The following ARID2 variants were observed in gnomAD, a reference collection of about 807,000 sequenced individuals.
ARID2 encodes AT-rich interaction domain 2, also known as AT-rich interactive domain-containing protein 2.
ARID2 carries 32 observed loss-of-function variants against 184.6 expected under a neutral mutation model. The observed-to-expected ratio is 0.17, with a 90% confidence interval of 0.13 to 0.23. The LOEUF (loss-of-function observed/expected upper bound fraction) is 0.23. Ranked by LOEUF, ARID2 falls within the 10% of genes least tolerant of loss-of-function variation. The pLI is 1.00. For synonymous variants in ARID2, 836 were observed against 772.6 expected, an observed-to-expected ratio of 1.08 and a Z score of -1.36; for missense variants, 1,696 against 2,197.6, an observed-to-expected ratio of 0.77 and a Z score of 4.56.
intron 3 of ARID2, among the ~76,000 whole-genome samples, chr12:45,795,496 A>T (rs546493672): frequency 1.1e-4 from 17 of 151,484 alleles, no homozygotes; most frequent in South Asian, 4.2e-4. Context: ...CAGTGGTGCG[A>T]TCTCGGCTCA....
At chr12:45,740,419 A>C (rs960643684) in intron 3 of ARID2, among the ~76,000 whole-genome samples, 1 of 151,990 alleles carries the variant, frequency 6.6e-6, no homozygotes, top group African/African-American at 2.4e-5. Context: ...TGGTGTGCAC[A>C]CTCATACACA....
intron 20 of ARID2, among the ~76,000 whole-genome samples, chr12:45,896,583 G>T (rs1252136756): frequency 1.3e-5 from 2 of 152,148 alleles, no homozygotes; most frequent in African/African-American, 4.8e-5. Context: ...CACCATAATT[G>T]TGAGGCCTCC....
intron 5 of ARID2, 139 bp downstream of exon 5, chr12:45,818,027 T>G (rs2138094324): frequency 1.6e-6 from 1 of 617,122 alleles, no homozygotes; most frequent in South Asian, 3.0e-5. Flanking sequence ...TTATTTAAGA[T>G]AATGAATGTT....
At chr12:45,731,103 C>G in intron 2 of ARID2, 114 bp from the exon 3 acceptor site, 1 of 744,934 alleles carries the variant, frequency 1.3e-6, no homozygotes, top group Non-Finnish European at 2.3e-6. Context: ...TCCGAAACAC[C>G]CACTGATGCC....
rs1941618859 is a variant in ARID2, at chr12:45,758,790, C to T, written c.284+27476C>T. Reference sequence around the variant, plus strand: ...GGCAGAGTAAAAGAGAGAAGAAGCACTTTTTCTAAGGGTACACCTTGAAAG... The same window carrying T: ...GGCAGAGTAAAAGAGAGAAGAAGCATTTTTTCTAAGGGTACACCTTGAAAG... On this transcript the variant is annotated intron_variant, in intron 3 of 20. Coordinates refer to ENST00000334344, the MANE Select transcript of ARID2 (RefSeq NM_152641.4). Among the ~76,000 whole-genome samples, 3 of 152,244 alleles carry T rather than the reference C, an allele frequency of 2.0e-5. No homozygotes were observed. The South Asian group carries it at 6.2e-4, about 32-fold the overall frequency.
chr12:45,782,558 G>A (rs1942114461), intron 3 of ARID2, among the ~76,000 whole-genome samples: 1 of 152,144 alleles, frequency 6.6e-6, no homozygotes, highest in African/African-American at 2.4e-5. Flanking sequence ...CTTGAACCCG[G>A]GAGGTGGAGG....
chr12:45,806,196 C>G (rs1485321724), intron 3 of ARID2, among the ~76,000 whole-genome samples: 1 of 151,534 alleles, frequency 6.6e-6, no homozygotes, highest in Admixed American at 6.6e-5. Flanking sequence ...TTCAAATGTT[C>G]TGTGTAATTT....
intron 20 of ARID2, among the ~76,000 whole-genome samples, chr12:45,894,655 A>G (rs898900514): frequency 3.2e-4 from 48 of 152,238 alleles, no homozygotes; most frequent in African/African-American, 1.1e-3. Context: ...AGTATTTGCA[A>G]TGACAAATGT....
chr12:45,829,991 G>T (rs7976870), intron 6 of ARID2, among the ~76,000 whole-genome samples: 90,780 of 148,502 alleles, frequency 0.61, 29,426 homozygotes, highest in African/African-American at 0.85. Context: ...TTTTAGATTT[G>T]CCCTTTTGAT....
intron 12 of ARID2, among the ~76,000 whole-genome samples, chr12:45,847,268 G>T (rs1034287730): frequency 2.6e-5 from 4 of 151,942 alleles, no homozygotes; most frequent in African/African-American, 9.7e-5. Context: ...TACAAAATTT[G>T]TTCTTCTAAA....
At chr12:45,784,112 C>T (rs1174491819) in intron 3 of ARID2, among the ~76,000 whole-genome samples, 1 of 152,162 alleles carries the variant, frequency 6.6e-6, no homozygotes, top group East Asian at 1.9e-4. Flanking sequence ...ACCTCAGCCT[C>T]CTGAGTAGCT....
At chr12:45,799,324 GTTTAT>G (rs913858286) in intron 3 of ARID2, among the ~76,000 whole-genome samples, 3 of 152,104 alleles carry the variant, frequency 2.0e-5, no homozygotes, top group African/African-American at 7.2e-5. Context: ...TTTAGATTCA[GTTTAT>G]TTTGATACTT....
chr12:45,765,948 TCAA>T (rs1941762947), intron 3 of ARID2, among the ~76,000 whole-genome samples: 1 of 152,196 alleles, frequency 6.6e-6, no homozygotes, highest in African/African-American at 2.4e-5. Flanking sequence ...ACTCTTTTAG[TCAA>T]CAAAATTATT....
intron 3 of ARID2, among the ~76,000 whole-genome samples, chr12:45,744,468 C>G (rs1315436428): frequency 6.6e-6 from 1 of 151,752 alleles, no homozygotes; most frequent in Non-Finnish European, 1.5e-5. Context: ...CATTTTTGCA[C>G]CTTATATTTG....
At chr12:45,818,558 T>C (rs530667742) in intron 5 of ARID2, among the ~76,000 whole-genome samples, 1 of 152,244 alleles carries the variant, frequency 6.6e-6, no homozygotes, top group Non-Finnish European at 1.5e-5. Context: ...TTTCCGACTC[T>C]CCCCAACTCC....
intron 6 of ARID2, among the ~76,000 whole-genome samples, chr12:45,824,533 A>C (rs1255173383): frequency 6.6e-6 from 1 of 152,104 alleles, no homozygotes; most frequent in Non-Finnish European, 1.5e-5. Context: ...ATTGCTCAAC[A>C]TCACTAATCA....
rs201871368 is a variant in ARID2, at chr12:45,852,330, C to G, written c.4207C>G (p.Gln1403Glu). The change falls in exon 15 of 21, where the codon CAG becomes GAG. Residue 1403 changes from glutamine to glutamate, a missense_variant. Transcript: ENST00000334344. The part of the protein sequence containing the change: ...MEPQGTLDIT[Q>E]QDTAKGDQLE... ...ACCACAAGGGACTTTAGATATCACTCAGCAAGATACTGCCAAAGGTGATCA... is the reference window on the plus strand; with the variant it reads ...ACCACAAGGGACTTTAGATATCACTGAGCAAGATACTGCCAAAGGTGATCA... 1.9e-6 allele frequency: 3 copies of G among 1,614,038 alleles called. No homozygotes were observed. Among genetic ancestry groups the G allele is most frequent in the Non-Finnish European group, 1.7e-6 (2 of 1,180,018 alleles).
chr12:45,755,874 C>G (rs1408222904), intron 3 of ARID2: 3 of 168,816 alleles, frequency 1.8e-5, no homozygotes, highest in Non-Finnish European at 4.4e-5. Context: ...AAGATAGATA[C>G]ACATATTTGA....
intron 3 of ARID2, among the ~76,000 whole-genome samples, chr12:45,759,342 G>C (rs533821452): frequency 1.3e-5 from 2 of 152,160 alleles, no homozygotes; most frequent in African/African-American, 4.8e-5. Context: ...AATATTATTT[G>C]GCATGCAGAT....
Sources: allele counts gnomAD v4.1 joint callset (sites outside exome capture counted in the v4.1 genomes callset), GRCh38; gene constraint gnomAD v4.1.1; transcripts MANE v1.5; gene names NCBI Gene and HGNC (gene_info 2026-07-23, HGNC 2026-07-21).